The following TSGA10 variants were observed in gnomAD, a reference collection of about 807,000 sequenced individuals.
TSGA10 encodes the protein testis-specific gene 10 protein.
A neutral mutation model predicts 96.6 loss-of-function variants in TSGA10; 43 were observed. That is an observed-to-expected ratio of 0.44 (90% CI 0.35 to 0.57). The LOEUF is 0.57. Among genes scored for constraint, TSGA10 ranks in the 20% least tolerant of loss-of-function variants. TSGA10 has a pLI of 0.01. For synonymous variants in TSGA10, 229 were observed against 269.9 expected (o/e 0.85, Z 1.48); for missense variants, 703 against 834.4 (o/e 0.84, Z 1.94).
At chr2:99,006,981 T>A (rs931344257) in intron 20 of TSGA10, among the ~76,000 whole-genome samples, 1 of 152,232 alleles carries the variant, frequency 6.6e-6, no homozygotes, top group Non-Finnish European at 1.5e-5. Flanking sequence ...AATGAGCTTA[T>A]GTCCTTTGTA....
chr2:99,030,358 A>G (rs575640388), intron 17 of TSGA10, among the ~76,000 whole-genome samples: 1 of 149,948 alleles, frequency 6.7e-6, no homozygotes, highest in East Asian at 2.0e-4. Flanking sequence ...AAAAAAATTA[A>G]AATTATTGGC....
intron 5 of TSGA10, among the ~76,000 whole-genome samples, chr2:99,110,543 C>A (rs1036433925): frequency 6.6e-6 from 1 of 152,076 alleles, no homozygotes; most frequent in Non-Finnish European, 1.5e-5. Flanking sequence ...AATGTGTAAA[C>A]AAACTTCATA....
At chr2:99,132,436 T>C (rs1469994226) in intron 1 of TSGA10, among the ~76,000 whole-genome samples, 1 of 152,090 alleles carries the variant, frequency 6.6e-6, no homozygotes, top group African/African-American at 2.4e-5. Context: ...TAGTATTCTC[T>C]GATGGTAGTT....
intron 3 of TSGA10, 107 bp downstream of exon 3, chr2:99,118,444 C>T: frequency 1.3e-5 from 4 of 318,226 alleles, no homozygotes; most frequent in Non-Finnish European, 1.7e-5. Context: ...CAGCAAGACT[C>T]TATCTCAAAA....
At chr2:99,087,455 G>A (rs746090759) in intron 10 of TSGA10, among the ~76,000 whole-genome samples, 6 of 151,592 alleles carry the variant, frequency 4.0e-5, no homozygotes, top group African/African-American at 7.3e-5. Context: ...GCAGTGAGCC[G>A]AGATGGCACC....
intron 1 of TSGA10, chr2:99,141,061 C>A (rs1390973459): frequency 7.8e-7 from 1 of 1,275,416 alleles, no homozygotes; most frequent in Non-Finnish European, 1.0e-6. Flanking sequence ...CTCCCCACCC[C>A]GCGCACCTCC....
At chr2:99,142,943 C>T (rs547389384) in intron 1 of TSGA10, among the ~76,000 whole-genome samples, 5 of 151,894 alleles carry the variant, frequency 3.3e-5, no homozygotes, top group South Asian at 4.2e-4. Flanking sequence ...GCCACCTAGA[C>T]GGTACTGAAG....
chr2:99,011,214 C>A (rs1373350061), intron 20 of TSGA10, among the ~76,000 whole-genome samples: 2 of 152,280 alleles, frequency 1.3e-5, no homozygotes, highest in East Asian at 3.9e-4. Context: ...CTCACTGCAA[C>A]CTCCGACACC....
intron 1 of TSGA10, among the ~76,000 whole-genome samples, chr2:99,128,934 G>T (rs1479726083): frequency 6.6e-6 from 1 of 152,108 alleles, no homozygotes; most frequent in East Asian, 1.9e-4. Context: ...ATTTTGTAGA[G>T]TCAGGGTCTC....
chr2:99,141,135 C>T, intron 1 of TSGA10: 2 of 1,276,876 alleles, frequency 1.6e-6, no homozygotes, highest in African/African-American at 1.5e-5. Context: ...CTGCCCAGAG[C>T]TCATCCCCGC....
chr2:99,065,037 C>T lies in TSGA10; in HGVS notation c.1306G>A (p.Ala436Thr). 1 of 1,613,998 alleles carries T rather than the reference C, an allele frequency of 6.2e-7. No homozygotes were observed. Among genetic ancestry groups the T allele is most frequent in the Non-Finnish European group, 8.5e-7 (1 of 1,179,948 alleles). ...NWENKARQSE[A>T]DNNTLKLELI... ...TCCAGTTTGAGGGTATTGTTATCTG[C>T]CTCTGATTGACGGGCTTTATTTTCC... Residue 436 changes from alanine to threonine, a missense_variant, in exon 16 of 21, where the codon GCA becomes ACA. Coordinates refer to ENST00000393483, the MANE Select transcript of TSGA10 (RefSeq NM_025244.4).
At chr2:99,111,734 T>C (rs76056668) in intron 4 of TSGA10, among the ~76,000 whole-genome samples, 1,812 of 152,270 alleles carry the variant, frequency 0.012, 19 homozygotes, top group Non-Finnish European at 0.02. Context: ...CATAATTACA[T>C]AGAGTTTGGA....
At chr2:99,087,390 C>G (rs551871555) in intron 10 of TSGA10, among the ~76,000 whole-genome samples, 1 of 152,056 alleles carries the variant, frequency 6.6e-6, no homozygotes, top group East Asian at 1.9e-4. Context: ...CCTGTAATCC[C>G]AGCTACTTGG....
chr2:99,029,471 T>C (rs2080946930), intron 17 of TSGA10, among the ~76,000 whole-genome samples: 1 of 152,150 alleles, frequency 6.6e-6, no homozygotes, highest in South Asian at 2.1e-4. Flanking sequence ...AAGGTCCAGA[T>C]AGTGCTTTAA....
chr2:99,127,586 C>A (rs1168594546), intron 1 of TSGA10, among the ~76,000 whole-genome samples: 1 of 151,934 alleles, frequency 6.6e-6, no homozygotes, highest in Non-Finnish European at 1.5e-5. Context: ...TAGAAATAAT[C>A]CCTAGAAATA....
At chr2:99,094,447 A>G (rs1377329997) in intron 10 of TSGA10, among the ~76,000 whole-genome samples, 1 of 152,222 alleles carries the variant, frequency 6.6e-6, no homozygotes, top group East Asian at 1.9e-4. Flanking sequence ...AGAAACACTC[A>G]GCAGAGTAAA....
chr2:99,011,662 C>T (rs893323344), intron 20 of TSGA10, among the ~76,000 whole-genome samples: 9 of 152,158 alleles, frequency 5.9e-5, no homozygotes, highest in Non-Finnish European at 7.4e-5. Context: ...AAATGTGCCT[C>T]TGCAAGTATG....
At chr2:99,081,757 A>G (rs1361941429) in intron 10 of TSGA10, among the ~76,000 whole-genome samples, 1 of 152,182 alleles carries the variant, frequency 6.6e-6, no homozygotes, top group African/African-American at 2.4e-5. Flanking sequence ...AGATGAGGCC[A>G]TAGAGATGTC....
chr2:99,035,697 C>A (rs1314011427), intron 16 of TSGA10, among the ~76,000 whole-genome samples: 1 of 150,422 alleles, frequency 6.6e-6, no homozygotes, highest in Non-Finnish European at 1.5e-5. Context: ...GAAAAAAAAA[C>A]CTTTCCCACT....
Sources: gnomAD v4.1 joint callset for allele counts (sites outside exome capture counted in the v4.1 genomes callset) on GRCh38, gnomAD v4.1.1 for gene constraint, MANE v1.5 for transcripts, NCBI Gene and HGNC (gene_info 2026-07-23, HGNC 2026-07-21) for gene names.